ZBTB20: variants seen among roughly 807,000 people sequenced by gnomAD.
ZBTB20 encodes the protein zinc finger and BTB domain-containing protein 20.
ZBTB20 carries 9 observed loss-of-function variants against 56.9 expected under a neutral mutation model. That is an observed-to-expected ratio of 0.16 (90% confidence interval 0.10 to 0.28). ZBTB20 has a LOEUF of 0.28. Ranked by LOEUF, ZBTB20 falls within the 10% of genes least tolerant of loss-of-function variation. The pLI is 1.00. For missense variants in ZBTB20, 655 were observed against 1,003.0 expected (o/e 0.65, Z 4.69); for synonymous variants, 417 against 420.7 (o/e 0.99, Z 0.11).
rs1000961501 is a variant in ZBTB20 at position 114,336,850 on chromosome 3, T to C, written c.*2155A>G. On this transcript the variant is annotated 3_prime_UTR_variant, in exon 12 of 12. Coordinates refer to ENST00000675478, the MANE Select transcript of ZBTB20 (RefSeq NM_001348800.3). ...TAAAACTGTAGTTTGGTGTTTTGCT[T>C]TGTTTAAAGATTTGCTTTCCCCTAA... 2 of 152,238 alleles carry C rather than the reference T, an allele frequency of 1.3e-5. No homozygotes were observed. The highest frequency in any genetic ancestry group is 4.8e-5 in the African/African-American group (2 of 41,470). 9.4% of individuals were successfully genotyped at this position (152,238 alleles called of 1,614,324 possible).
rs902006218 is a variant in ZBTB20, at chr3:114,317,643, C to T, written c.*21362G>A. Reference sequence around the variant, plus strand: ...TGTTAAACAAAAGTTACTTCTCAAACGATGCCCAAATCTTCCACTAACACA... The same window carrying T: ...TGTTAAACAAAAGTTACTTCTCAAATGATGCCCAAATCTTCCACTAACACA... On this transcript the variant is annotated 3_prime_UTR_variant, in exon 12 of 12. Coordinates refer to ENST00000675478, the MANE Select transcript of ZBTB20 (RefSeq NM_001348800.3). 2.6e-5 allele frequency: 4 copies of T among 152,160 alleles called. No homozygotes were observed. Among genetic ancestry groups the T allele is most frequent in the Admixed American group, 6.5e-5 (1 of 15,276 alleles). 9.4% of individuals were successfully genotyped at this position (152,160 alleles called of 1,614,324 possible). A position where few individuals can be genotyped will look rare whatever the true frequency, so the allele number is the denominator to read the frequency against.
rs2079030795 is a variant in ZBTB20, at chr3:114,325,411, A to G, written c.*13594T>C. On this transcript the variant is annotated 3_prime_UTR_variant, in exon 12 of 12. Transcript: ENST00000675478. ...GAAAATCTTATCTCAAATTTGAACT[A>G]TTATTTTATTTTCAGTGATCTCTCT... The G allele has an allele frequency of 6.6e-6, 1 of 152,132 alleles. No homozygotes were observed. Among genetic ancestry groups the G allele is most frequent in the Non-Finnish European group, 1.5e-5 (1 of 68,018 alleles). 9.4% of individuals were successfully genotyped at this position (152,132 alleles called of 1,614,324 possible). A position where few individuals can be genotyped will look rare whatever the true frequency, so the allele number is the denominator to read the frequency against.
At position 114,567,153 on chromosome 3, in the gene ZBTB20, CAT is replaced by C. The variant is rs554633242; in HGVS notation, c.-294-66764_-294-66763del. Among the ~76,000 whole-genome samples the C allele has an allele frequency of 1.8e-4, 28 of 152,272 alleles. 1 individual carries two copies. Among genetic ancestry groups the C allele is most frequent in the Non-Finnish European group, 3.8e-4 (26 of 68,024 alleles). ...GTGTTTGCCTGGAGTTATAGCTGCA[CAT>C]GTTATTGTGTGACTTTTCTCTCTAT... On this transcript the variant is annotated intron_variant, in intron 6 of 11. Coordinates refer to ENST00000675478, the MANE Select transcript of ZBTB20 (RefSeq NM_001348800.3).
intron 3 of ZBTB20, among the ~76,000 whole-genome samples, chr3:114,970,736 C>T (rs1236261431): frequency 1.3e-5 from 2 of 152,166 alleles, no homozygotes; most frequent in African/African-American, 4.8e-5. Context: ...AATAATGCAG[C>T]CGGGGGCGGT....
intron 5 of ZBTB20, chr3:114,792,237 GA>G (rs981576524): frequency 1.3e-5 from 2 of 152,062 alleles, no homozygotes; most frequent in Non-Finnish European, 2.9e-5. Context: ...TAAGATTGTT[GA>G]AAACATTTTT....
In ZBTB20 at chr3:114,421,343, G is replaced by T. The variant is rs190676630; in HGVS notation, c.-254-32238C>A. ...CCCCATTTCTATAATGGGGAAGGAC[G>T]TCTTGATACATTTACAATACTCCTC... On this transcript the variant is annotated intron_variant, in intron 7 of 11. Transcript: ENST00000675478. Among the ~76,000 whole-genome samples the T allele has an allele frequency of 5.7e-4, 87 of 152,200 alleles. 1 individual carries two copies. The highest frequency in any genetic ancestry group is 2.0e-3 in the African/African-American group (81 of 41,518).
chr3:114,705,720 C>T (rs1560149624), intron 5 of ZBTB20, among the ~76,000 whole-genome samples: 1 of 152,120 alleles, frequency 6.6e-6, no homozygotes, highest in Non-Finnish European at 1.5e-5. Context: ...CAAATCTCTT[C>T]AGATAGTAAC....
chr3:114,468,110 T>C (rs1054547530), intron 7 of ZBTB20, among the ~76,000 whole-genome samples: 6 of 152,236 alleles, frequency 3.9e-5, no homozygotes, highest in African/African-American at 1.4e-4. Context: ...AAAGGTGCTT[T>C]AGAAGAACAA....
chr3:114,442,501 T>C (rs1453771518), intron 7 of ZBTB20, among the ~76,000 whole-genome samples: 1 of 152,084 alleles, frequency 6.6e-6, no homozygotes, highest in Non-Finnish European at 1.5e-5. Flanking sequence ...CACACAGAAA[T>C]CTGCAAAACT....
chr3:115,046,841 A>C (rs931756689), intron 2 of ZBTB20, among the ~76,000 whole-genome samples: 4 of 152,282 alleles, frequency 2.6e-5, no homozygotes, highest in South Asian at 2.1e-4. Flanking sequence ...CAAACAAACA[A>C]ACACAAATAT....
At chr3:114,454,287 T>A (rs1559810315) in intron 7 of ZBTB20, among the ~76,000 whole-genome samples, 1 of 150,146 alleles carries the variant, frequency 6.7e-6, no homozygotes, top group Non-Finnish European at 1.5e-5. Context: ...CGGTCAAGCG[T>A]TAAGTAACTC....
intron 3 of ZBTB20, among the ~76,000 whole-genome samples, chr3:114,923,716 G>C (rs970895830): frequency 6.6e-6 from 1 of 152,008 alleles, no homozygotes; most frequent in African/African-American, 2.4e-5. Context: ...ATAAAAAAAA[G>C]TAGAACTACA....
rs143142872 is a variant in ZBTB20, at chr3:115,017,144, G to A, written c.-506-42728C>T. On this transcript the variant is annotated intron_variant, in intron 2 of 11. Coordinates refer to ENST00000675478, the MANE Select transcript of ZBTB20 (RefSeq NM_001348800.3). ...ATGTCTAGAAAAGCACATCATCTCA[G>A]CCCAAAACCTTCTTAAGCTGATAAG... Among the ~76,000 whole-genome samples, 755 of 151,788 alleles carry A rather than the reference G, an allele frequency of 5.0e-3. 7 individuals carry two copies. The highest frequency in any genetic ancestry group is 0.017 in the African/African-American group (697 of 41,464).
At chr3:115,129,855 C>T (rs915562440) in intron 1 of ZBTB20, among the ~76,000 whole-genome samples, 1 of 152,086 alleles carries the variant, frequency 6.6e-6, no homozygotes. Flanking sequence ...AGACTTTCAG[C>T]GATTAAATGT....
At chr3:114,924,127 T>C (rs1262961221) in intron 3 of ZBTB20, among the ~76,000 whole-genome samples, 1 of 152,162 alleles carries the variant, frequency 6.6e-6, no homozygotes, top group African/African-American at 2.4e-5. Flanking sequence ...GGTATAGCCA[T>C]TATGGAAAAC....
At chr3:114,709,869 C>T (rs968128096) in intron 5 of ZBTB20, among the ~76,000 whole-genome samples, 5 of 152,124 alleles carry the variant, frequency 3.3e-5, no homozygotes, top group South Asian at 2.1e-4. Flanking sequence ...ATCCTTGCTC[C>T]GTCATAAAGA....
chr3:115,070,280 T>C lies in ZBTB20; in HGVS notation c.-507+939A>G, dbSNP rs72943880. Among the ~76,000 whole-genome samples the C allele has an allele frequency of 5.8e-3, 855 of 147,664 alleles. 12 individuals carry two copies. The highest frequency in any genetic ancestry group is 0.02 in the African/African-American group (828 of 41,270). On this transcript the variant is annotated intron_variant, in intron 2 of 11. Transcript: ENST00000675478. ...TAGCAACTCACCTTTAAAAAGTCTT[T>C]CCAAAGCACCAACTTAAATTTCATA... is the stretch of plus-strand genomic sequence containing the variant.
intron 3 of ZBTB20, among the ~76,000 whole-genome samples, chr3:114,962,367 T>A (rs901763132): frequency 6.6e-6 from 1 of 152,110 alleles, no homozygotes; most frequent in Admixed American, 6.5e-5. Context: ...CCCACCCAGA[T>A]GTGAGTATCT....
At chr3:114,485,954 G>C (rs1325512805) in intron 7 of ZBTB20, among the ~76,000 whole-genome samples, 1 of 151,862 alleles carries the variant, frequency 6.6e-6, no homozygotes, top group African/African-American at 2.4e-5. Context: ...TAACACATTA[G>C]GTACAAGCAT....
Sources: gnomAD v4.1 joint callset for allele counts (sites outside exome capture counted in the v4.1 genomes callset) on GRCh38, gnomAD v4.1.1 for gene constraint, MANE v1.5 for transcripts, NCBI Gene and HGNC (gene_info 2026-07-23, HGNC 2026-07-21) for gene names.